The following UTP4 variants were observed in gnomAD, a reference collection of about 807,000 sequenced individuals.
UTP4 encodes UTP4 small subunit processome component, also known as U3 small nucleolar RNA-associated protein 4 homolog.
In UTP4, 45 loss-of-function variants were observed where a neutral mutation model predicts 82.4. The ratio of observed to expected loss-of-function variants is 0.55; its 90% CI spans 0.43 to 0.70. The LOEUF (loss-of-function observed/expected upper bound fraction) is 0.70, where lower values mean the gene tolerates loss of function less well. Among genes scored for constraint, UTP4 ranks in the 30% least tolerant of loss-of-function variants. The pLI is 0.00. For missense variants in UTP4, 819 were observed against 858.3 expected, an observed-to-expected ratio of 0.95 and a Z score of 0.57; for synonymous variants, 348 against 300.3, an observed-to-expected ratio of 1.16 and a Z score of -1.64.
chr16:69,146,216 A>G (rs1349170738), intron 6 of UTP4, among the ~76,000 whole-genome samples: 1 of 152,226 alleles, frequency 6.6e-6, no homozygotes, highest in East Asian at 1.9e-4. Context: ...TCAGTGGAAT[A>G]AAGTTCATTC....
chr16:69,144,917 G>A (rs1220424049), intron 6 of UTP4, among the ~76,000 whole-genome samples: 3 of 152,118 alleles, frequency 2.0e-5, no homozygotes, highest in Non-Finnish European at 4.4e-5. Context: ...CAAGGCGGAC[G>A]GATCACCTGA....
chr16:69,156,053 G>T (rs1963403437), intron 11 of UTP4, 60 bp downstream of exon 11: 4 of 1,560,382 alleles, frequency 2.6e-6, no homozygotes, highest in Admixed American at 3.3e-5. Context: ...TGTCATTTTT[G>T]TGTGAAGTGG....
intron 6 of UTP4, among the ~76,000 whole-genome samples, chr16:69,145,345 C>CT (rs1386525542): frequency 6.6e-6 from 1 of 151,936 alleles, no homozygotes; most frequent in Non-Finnish European, 1.5e-5. Context: ...ACTACAACCT[C>CT]TGTCTCCTGG....
chr16:69,132,788 G>T (rs984318980), intron 1 of UTP4, 99 bp downstream of exon 1: 5 of 230,618 alleles, frequency 2.2e-5, no homozygotes, highest in East Asian at 3.6e-4. Flanking sequence ...TCCTTGTCCC[G>T]AGGGTCTCCT....
In UTP4 at chr16:69,163,071, A is replaced by T; in HGVS notation, c.1552-12A>T. 1.2e-6 allele frequency: 2 copies of T among 1,609,700 alleles called. No individual in the cohort carries two copies. Among genetic ancestry groups the T allele is most frequent in the Non-Finnish European group, 1.7e-6 (2 of 1,176,012 alleles). On this transcript the variant is annotated splice_polypyrimidine_tract_variant and intron_variant, in intron 13 of 16. Transcript: ENST00000314423. Reference sequence around the variant, plus strand: ...CTTAGAGTTGCCACTTGTGTCTGTTATTTGTTCCCAGCTTCACTGCACGGT... The same window carrying T: ...CTTAGAGTTGCCACTTGTGTCTGTTTTTTGTTCCCAGCTTCACTGCACGGT...
chr16:69,168,154 T>G (rs537703518), intron 16 of UTP4, among the ~76,000 whole-genome samples: 1 of 152,020 alleles, frequency 6.6e-6, no homozygotes, highest in Non-Finnish European at 1.5e-5. Context: ...CTCCCAATCT[T>G]GGCCGGGCGC....
At chr16:69,136,441 T>C (rs1962817212) in intron 2 of UTP4, among the ~76,000 whole-genome samples, 1 of 152,250 alleles carries the variant, frequency 6.6e-6, no homozygotes, top group South Asian at 2.1e-4. Flanking sequence ...TCGTCCAGGC[T>C]GGAATGCAGT....
At position 69,147,178 on chromosome 16, in the gene UTP4, AAATAATAATAAT is replaced by A. The variant is rs59985843; in HGVS notation, c.739-3326_739-3315del. 4.4e-3 allele frequency among the ~76,000 whole-genome samples: 580 copies of A among 132,500 alleles called. 5 individuals carry two copies. The highest frequency in any genetic ancestry group is 0.012 in the African/African-American group (418 of 35,170). The allele number at this position is 132,500 out of a possible 152,430, so 86.9% of individuals were successfully genotyped here. On this transcript the variant is annotated intron_variant, in intron 6 of 16. Transcript: ENST00000314423. ...GTCAACAGAGTGCAACTCCAGCTCA[AAATAATAATAAT>A]AATAATAATAATAATAATAATAATA...
chr16:69,156,433 G>T (rs1963417126), intron 11 of UTP4, among the ~76,000 whole-genome samples: 1 of 147,160 alleles, frequency 6.8e-6, no homozygotes, highest in Admixed American at 6.8e-5. Context: ...CTGGGTGCTG[G>T]CATTACAGGC....
intron 8 of UTP4, among the ~76,000 whole-genome samples, chr16:69,151,339 T>C (rs1376718485): frequency 2.7e-5 from 4 of 150,036 alleles, no homozygotes; most frequent in Non-Finnish European, 5.9e-5. Flanking sequence ...TTTTTTTTTT[T>C]TGAGACTGAG....
At chr16:69,138,137 C>T (rs770652540) in intron 4 of UTP4, 34 of 497,500 alleles carry the variant, frequency 6.8e-5, no homozygotes, top group African/African-American at 1.4e-4. Context: ...CTGTGGAAGT[C>T]AATTTGTTAG....
Position 69,150,534 on chromosome 16 carries a change from C to A in UTP4, c.739-3C>A. 1 of 1,614,182 alleles carries A rather than the reference C, an allele frequency of 6.2e-7. No individual in the cohort carries two copies. The highest frequency in any genetic ancestry group is 8.5e-7 in the Non-Finnish European group (1 of 1,180,024). ...GTACCTCCCTCATGATTTAATTCCT[C>A]AGCAAGAAGACAGTTTCGTGGTGGG... is the stretch of plus-strand genomic sequence containing the variant. On this transcript the variant is annotated splice_region_variant and splice_polypyrimidine_tract_variant and intron_variant, in intron 6 of 16. Coordinates refer to ENST00000314423, the MANE Select transcript of UTP4 (RefSeq NM_032830.3).
intron 6 of UTP4, among the ~76,000 whole-genome samples, chr16:69,146,060 C>T (rs924512407): frequency 2.0e-5 from 3 of 150,002 alleles, no homozygotes; most frequent in East Asian, 2.0e-4. Context: ...GAGATTGTGC[C>T]GTTGTGCTCC....
In UTP4 at chr16:69,143,421, G is replaced by A. The variant is rs1482244869; in HGVS notation, c.738+32G>A. ...ACAGTCCCTGTTTAGAGTGGTTGAT[G>A]TACACCCTTGTGGGGTGAGTTGAGA... On this transcript the variant is annotated intron_variant, in intron 6 of 16. Transcript: ENST00000314423. 3.1e-6 allele frequency: 5 copies of A among 1,588,838 alleles called. No homozygotes were observed. In the African/African-American group the frequency reaches 5.4e-5, roughly 17 times the overall value.
chr16:69,148,417 G>A (rs1963177888), intron 6 of UTP4, among the ~76,000 whole-genome samples: 1 of 150,254 alleles, frequency 6.7e-6, no homozygotes, highest in South Asian at 2.1e-4. Context: ...ATTTTTAATA[G>A]AGACGGGGTT....
chr16:69,168,415 G>A (rs906738778), intron 16 of UTP4, among the ~76,000 whole-genome samples: 1 of 136,014 alleles, frequency 7.4e-6, no homozygotes, highest in Non-Finnish European at 1.5e-5. Context: ...CAGCCTGGGC[G>A]GCAGAGCGAG....
In UTP4 at chr16:69,163,068, G is replaced by A; in HGVS notation, c.1552-15G>A. 6 of 1,607,698 alleles carry A rather than the reference G, an allele frequency of 3.7e-6. No individual in the cohort carries two copies. Among genetic ancestry groups the A allele is most frequent in the Non-Finnish European group, 5.1e-6 (6 of 1,174,136 alleles). ...TCACTTAGAGTTGCCACTTGTGTCT[G>A]TTATTTGTTCCCAGCTTCACTGCAC... On this transcript the variant is annotated splice_polypyrimidine_tract_variant and intron_variant, in intron 13 of 16. Transcript: ENST00000314423.
chr16:69,137,954 T>A (rs1962854001), intron 4 of UTP4, 69 bp downstream of exon 4: 1 of 952,708 alleles, frequency 1.0e-6, no homozygotes, highest in Non-Finnish European at 1.7e-6. Context: ...CCACTGGGGA[T>A]GGGATATTTT....
At chr16:69,155,232 G>A (rs1467900642) in intron 10 of UTP4, among the ~76,000 whole-genome samples, 1 of 152,028 alleles carries the variant, frequency 6.6e-6, no homozygotes, top group East Asian at 1.9e-4. Flanking sequence ...GGAGAGCAGT[G>A]GCACGGTCAC....
Sources: gnomAD v4.1 joint callset for allele counts (sites outside exome capture counted in the v4.1 genomes callset) on GRCh38, gnomAD v4.1.1 for gene constraint, MANE v1.5 for transcripts, NCBI Gene and HGNC (gene_info 2026-07-23, HGNC 2026-07-21) for gene names.